Variants in STXBP6 observed in about 807,000 individuals in gnomAD.
STXBP6 encodes the protein syntaxin binding protein 6.
Under a neutral mutation model 26.9 loss-of-function variants are expected in STXBP6, and 21 were observed. The ratio of observed to expected loss-of-function variants is 0.78; its 90% confidence interval spans 0.55 to 1.12. The LOEUF (loss-of-function observed/expected upper bound fraction) is 1.12, where lower values mean the gene tolerates loss of function less well. Ranked by LOEUF, STXBP6 falls within the 50% of genes most tolerant of loss-of-function variation. The probability of loss-of-function intolerance (pLI) is 0.00; values close to 1 mark genes in which losing one functional copy is unlikely to be tolerated. For synonymous variants in STXBP6, 97 were observed against 92.6 expected (o/e 1.05, Z -0.27); for missense variants, 232 against 257.9 (o/e 0.90, Z 0.69).
chr14:24,891,683 A>G (rs1177134942), intron 2 of STXBP6, among the ~76,000 whole-genome samples: 1 of 152,242 alleles, frequency 6.6e-6, no homozygotes, highest in Non-Finnish European at 1.5e-5. Flanking sequence ...ATCTTAGAAA[A>G]GTTTATCTAG....
intron 2 of STXBP6, among the ~76,000 whole-genome samples, chr14:24,969,928 T>C (rs2073851057): frequency 6.6e-6 from 1 of 152,128 alleles, no homozygotes; most frequent in Non-Finnish European, 1.5e-5. Flanking sequence ...CACTAGCGAC[T>C]CTGTAAAAGT....
chr14:25,009,714 A>G (rs1011279639), intron 1 of STXBP6, among the ~76,000 whole-genome samples: 1 of 152,198 alleles, frequency 6.6e-6, no homozygotes, highest in Non-Finnish European at 1.5e-5. Context: ...ACCCACATGT[A>G]GCCTCTTCAT....
chr14:25,017,230 A>T (rs1311201782), intron 1 of STXBP6, among the ~76,000 whole-genome samples: 1 of 152,216 alleles, frequency 6.6e-6, no homozygotes, highest in African/African-American at 2.4e-5. Context: ...GGCCGCCCCT[A>T]TGTGGGTAGA....
At chr14:24,974,416 G>A (rs778424322) in intron 2 of STXBP6, among the ~76,000 whole-genome samples, 6 of 152,162 alleles carry the variant, frequency 3.9e-5, no homozygotes, top group South Asian at 4.1e-4. Context: ...ACAAGTCTGC[G>A]AAACATTTTA....
At chr14:24,858,482 T>C (rs2069419319) in intron 2 of STXBP6, among the ~76,000 whole-genome samples, 1 of 152,150 alleles carries the variant, frequency 6.6e-6, no homozygotes, top group Non-Finnish European at 1.5e-5. Context: ...TTATCACCCA[T>C]TATTTCAGTT....
intron 1 of STXBP6, among the ~76,000 whole-genome samples, chr14:25,040,853 GTTCCATCTT>G (rs751077420): frequency 5.3e-4 from 80 of 152,262 alleles, no homozygotes; most frequent in Non-Finnish European, 9.6e-4. Context: ...CAAGATTCCT[GTTCCATCTT>G]TTAAAATCAA....
intron 2 of STXBP6, among the ~76,000 whole-genome samples, chr14:24,868,782 C>T (rs577732619): frequency 1.4e-4 from 22 of 152,270 alleles, no homozygotes; most frequent in African/African-American, 5.3e-4. Flanking sequence ...TAGCTTAGAC[C>T]AGAGGGTAGT....
intron 1 of STXBP6, among the ~76,000 whole-genome samples, chr14:25,044,864 G>A (rs1407253976): frequency 6.6e-6 from 1 of 152,274 alleles, no homozygotes; most frequent in African/African-American, 2.4e-5. Flanking sequence ...CTTTACTCCT[G>A]CTTCATTATC....
intron 2 of STXBP6, among the ~76,000 whole-genome samples, chr14:24,922,661 C>A (rs1158307587): frequency 6.6e-6 from 1 of 152,070 alleles, no homozygotes; most frequent in Non-Finnish European, 1.5e-5. Context: ...TAAATGCATC[C>A]TTCTACTTGG....
At chr14:24,908,572 G>A (rs2071461525) in intron 2 of STXBP6, among the ~76,000 whole-genome samples, 1 of 152,152 alleles carries the variant, frequency 6.6e-6, no homozygotes, top group African/African-American at 2.4e-5. Context: ...TAGACATGCT[G>A]ACCTTTCTTT....
chr14:24,978,428 T>C (rs890136886), intron 1 of STXBP6, among the ~76,000 whole-genome samples: 1 of 152,192 alleles, frequency 6.6e-6, no homozygotes, highest in African/African-American at 2.4e-5. Flanking sequence ...ACAGGATTTT[T>C]TTCTCTCCAT....
intron 1 of STXBP6, among the ~76,000 whole-genome samples, chr14:25,034,390 T>C (rs1166443398): frequency 6.6e-6 from 1 of 152,202 alleles, no homozygotes; most frequent in Non-Finnish European, 1.5e-5. Context: ...CTTCTCAAAA[T>C]CTGCTACAAT....
intron 2 of STXBP6, among the ~76,000 whole-genome samples, chr14:24,918,315 G>A (rs2071843348): frequency 6.6e-6 from 1 of 151,818 alleles, no homozygotes; most frequent in African/African-American, 2.4e-5. Flanking sequence ...AGTAGATGAG[G>A]GTAAGGGGAC....
rs111869983 is a variant in STXBP6, at chr14:24,850,365, C to T, written c.451+5571G>A. On this transcript the variant is annotated intron_variant, in intron 4 of 5. Transcript: ENST00000323944. ...CTGTGTCCCTAGAATTCTAATAGAG[C>T]TCTGAAGTCTGGGCTTTATACTATC... 5.2e-3 allele frequency among the ~76,000 whole-genome samples: 791 copies of T among 152,132 alleles called. 6 individuals are homozygous for T. The highest frequency in any genetic ancestry group is 0.018 in the African/African-American group (758 of 41,512).
intron 2 of STXBP6, among the ~76,000 whole-genome samples, chr14:24,954,517 T>C (rs1385839287): frequency 1.3e-5 from 2 of 152,170 alleles, no homozygotes; most frequent in Non-Finnish European, 2.9e-5. Context: ...ACAGGCTCAC[T>C]AGTGCCTTTT....
intron 4 of STXBP6, among the ~76,000 whole-genome samples, chr14:24,827,463 T>C (rs1018403738): frequency 2.6e-5 from 4 of 152,136 alleles, no homozygotes; most frequent in African/African-American, 9.7e-5. Context: ...TCTGATCTGC[T>C]CCTCCTACAT....
At chr14:24,919,150 A>G (rs1199911718) in intron 2 of STXBP6, among the ~76,000 whole-genome samples, 4 of 152,032 alleles carry the variant, frequency 2.6e-5, no homozygotes, top group Non-Finnish European at 4.4e-5. Context: ...TTGTTTTTTA[A>G]CACTTATGCA....
intron 2 of STXBP6, among the ~76,000 whole-genome samples, chr14:24,908,558 G>A (rs1342976806): frequency 1.3e-5 from 2 of 152,194 alleles, no homozygotes; most frequent in African/African-American, 2.4e-5. Context: ...CGTCCACTGT[G>A]CTCTAGACAT....
intron 1 of STXBP6, among the ~76,000 whole-genome samples, chr14:25,003,315 T>C (rs774221815): frequency 6.6e-6 from 1 of 152,194 alleles, no homozygotes; most frequent in Non-Finnish European, 1.5e-5. Context: ...TCCTGTGAAA[T>C]ATCTTCTCTC....
Sources: gnomAD v4.1 joint callset for allele counts (sites outside exome capture counted in the v4.1 genomes callset) on GRCh38, gnomAD v4.1.1 for gene constraint, MANE v1.5 for transcripts, NCBI Gene and HGNC (gene_info 2026-07-23, HGNC 2026-07-21) for gene names.